The following GSE1 variants were observed in gnomAD, a reference collection of about 807,000 sequenced individuals.
The protein encoded by GSE1 is genetic suppressor element 1.
A neutral mutation model predicts 112.6 loss-of-function variants in GSE1; 32 were observed. The ratio of observed to expected loss-of-function variants is 0.28; its 90% CI spans 0.21 to 0.38. GSE1 has a LOEUF of 0.38. Among genes scored for constraint, GSE1 ranks in the 10% least tolerant of loss-of-function variants. The probability of loss-of-function intolerance (pLI) is 1.00; values close to 1 mark genes in which losing one functional copy is unlikely to be tolerated. For missense variants in GSE1, 2,348 were observed against 1,699.2 expected (o/e 1.38, Z -6.71); for synonymous variants, 1,115 against 735.6 (o/e 1.52, Z -8.35).
At chr16:85,642,295 A>G (rs1228781642) in intron 2 of GSE1, among the ~76,000 whole-genome samples, 3 of 152,254 alleles carry the variant, frequency 2.0e-5, no homozygotes, top group Non-Finnish European at 1.5e-5. Context: ...TGGGTGACAG[A>G]GAGAGACCCT....
chr16:85,470,163 C>G (rs533617813), intron 2 of GSE1, among the ~76,000 whole-genome samples: 5 of 152,256 alleles, frequency 3.3e-5, no homozygotes, highest in Non-Finnish European at 5.9e-5. Context: ...GTCGGCAGCT[C>G]GAGCCAGCTG....
chr16:85,297,581 C>T (rs1552270), intron 1 of GSE1, among the ~76,000 whole-genome samples: 2 of 151,958 alleles, frequency 1.3e-5, no homozygotes, highest in African/African-American at 4.8e-5. Context: ...CTCACTGCAG[C>T]CTCCACCTCT....
At chr16:85,609,838 A>G (rs533837561), upstream of GSE1, among the ~76,000 whole-genome samples, 70 of 152,126 alleles carry the variant, frequency 4.6e-4, no homozygotes, top group South Asian at 2.1e-3. Context: ...TTTGTTTTTA[A>G]TAGAGACAGG....
In GSE1 at chr16:85,668,230, C is replaced by T; in HGVS notation, c.3221C>T (p.Ala1074Val). 2 of 1,609,768 alleles carry T rather than the reference C, an allele frequency of 1.2e-6. No homozygotes were observed. The highest frequency in any genetic ancestry group is 8.5e-7 in the Non-Finnish European group (1 of 1,176,104). Residue 1074 changes from alanine to valine, a missense_variant, in exon 14 of 16, where the codon GCC (alanine) becomes GTC (valine). Ala to Val is a moderately conservative substitution (Grantham distance 64). Transcript: ENST00000253458. ...CCTGAGCTGCAGTCCTCCAGCCGCG[C>T]CCCTCCACCCCAGCACAATGGGCAG... Reference protein sequence around the residue: ...NIPELQSSSRAPPPQHNGQQE... With the variant: ...NIPELQSSSRVPPPQHNGQQE...
chr16:85,510,905 C>G (rs2051721839), intron 2 of GSE1, among the ~76,000 whole-genome samples: 1 of 152,252 alleles, frequency 6.6e-6, no homozygotes, highest in South Asian at 2.1e-4. Context: ...CCGGCTCCTC[C>G]TTTATCCAAA....
chr16:85,263,425 T>G (rs116343024), intron 1 of GSE1, among the ~76,000 whole-genome samples: 1,782 of 152,268 alleles, frequency 0.012, 38 homozygotes, highest in African/African-American at 0.039. Flanking sequence ...AAGTTTCCAG[T>G]TGGTATTTGC....
At chr16:85,475,597 C>T (rs2050427428) in intron 2 of GSE1, among the ~76,000 whole-genome samples, 1 of 152,178 alleles carries the variant, frequency 6.6e-6, no homozygotes, top group South Asian at 2.1e-4. Context: ...TCAGTTTTGT[C>T]TGCAGTGCCT....
chr16:85,667,409 C>T lies in GSE1; in HGVS notation c.3131-731C>T, dbSNP rs187181217. On this transcript the variant is annotated intron_variant, in intron 13 of 15. Coordinates refer to ENST00000253458, the MANE Select transcript of GSE1 (RefSeq NM_014615.5). ...CCTGAGGATGTCACCCACCAGGCCA[C>T]GCCATGAGACAGGGCATGCCCTCTT... 3.8e-3 allele frequency among the ~76,000 whole-genome samples: 576 copies of T among 152,348 alleles called. 3 individuals are homozygous for T. The highest frequency in any genetic ancestry group is 0.011 in the African/African-American group (476 of 41,584).
chr16:85,347,983 C>A (rs1301816246), intron 1 of GSE1, among the ~76,000 whole-genome samples: 1 of 152,142 alleles, frequency 6.6e-6, no homozygotes, highest in African/African-American at 2.4e-5. Flanking sequence ...GGGGTGGGGT[C>A]CCCTTCTTTC....
chr16:85,621,170 A>C (rs1436589764), intron 1 of GSE1, among the ~76,000 whole-genome samples: 1 of 83,536 alleles, frequency 1.2e-5, no homozygotes, highest in South Asian at 4.5e-4. Flanking sequence ...TCGGCCCTGG[A>C]TCTCTGCACT....
intron 2 of GSE1, among the ~76,000 whole-genome samples, chr16:85,479,834 G>T (rs756515898): frequency 6.6e-6 from 1 of 152,164 alleles, no homozygotes; most frequent in Non-Finnish European, 1.5e-5. Context: ...CAGTGGGGCT[G>T]TCATAATTCC....
chr16:85,371,286 C>G (rs2047295000), intron 2 of GSE1, among the ~76,000 whole-genome samples: 1 of 152,176 alleles, frequency 6.6e-6, no homozygotes, highest in Non-Finnish European at 1.5e-5. Flanking sequence ...CGGGTGAGTC[C>G]CCGGGGATGG....
At chr16:85,421,870 G>A (rs2048852788) in intron 2 of GSE1, among the ~76,000 whole-genome samples, 1 of 152,096 alleles carries the variant, frequency 6.6e-6, no homozygotes, top group Non-Finnish European at 1.5e-5. Flanking sequence ...CGACTTCAGG[G>A]CCTTTTTCCT....
intron 2 of GSE1, among the ~76,000 whole-genome samples, chr16:85,431,625 A>T (rs566403264): frequency 1.3e-5 from 2 of 152,050 alleles, no homozygotes; most frequent in Non-Finnish European, 2.9e-5. Context: ...TCCCCGAGAC[A>T]CTTGGCCATG....
At chr16:85,641,493 C>G (rs1326777368) in intron 2 of GSE1, among the ~76,000 whole-genome samples, 1 of 149,856 alleles carries the variant, frequency 6.7e-6, no homozygotes, top group Admixed American at 6.8e-5. Flanking sequence ...GTCGGGAGAG[C>G]CCTGCCCTGG....
At chr16:85,616,378 C>T (rs1442546418) in intron 1 of GSE1, among the ~76,000 whole-genome samples, 1 of 152,228 alleles carries the variant, frequency 6.6e-6, no homozygotes, top group Admixed American at 6.5e-5. Flanking sequence ...TCCAGGAGCT[C>T]GCAGGGGCTT....
intron 1 of GSE1, among the ~76,000 whole-genome samples, chr16:85,174,398 C>G (rs2074418949): frequency 6.6e-6 from 1 of 152,330 alleles, no homozygotes; most frequent in Admixed American, 6.5e-5. Flanking sequence ...ACAGAGAGGA[C>G]AGCTCTGATG....
chr16:85,381,204 C>T (rs772859226), intron 2 of GSE1, among the ~76,000 whole-genome samples: 12 of 152,198 alleles, frequency 7.9e-5, no homozygotes, highest in African/African-American at 1.4e-4. Context: ...GGAATCGTAC[C>T]GTTTGTAGCC....
At chr16:85,605,108 C>T (rs911412305) in intron 1 of GSE1, among the ~76,000 whole-genome samples, 10 of 151,412 alleles carry the variant, frequency 6.6e-5, no homozygotes, top group South Asian at 2.1e-4. Context: ...TGAGCCACTG[C>T]GCCTGGTCTG....
Sources: allele counts gnomAD v4.1 joint callset (sites outside exome capture counted in the v4.1 genomes callset), GRCh38; gene constraint gnomAD v4.1.1; transcripts MANE v1.5; gene names NCBI Gene and HGNC (gene_info 2026-07-23, HGNC 2026-07-21).